Variants in OCA2 observed in about 807,000 individuals in gnomAD.
The protein encoded by OCA2 is P protein.
In OCA2, 77 loss-of-function variants were observed where a neutral mutation model predicts 100.2. That is an observed-to-expected ratio of 0.77 (90% CI 0.64 to 0.93). The LOEUF (loss-of-function observed/expected upper bound fraction) is 0.93, where lower values mean the gene tolerates loss of function less well. Ranked by LOEUF, OCA2 falls within the 40% of genes least tolerant of loss-of-function variation. The probability of loss-of-function intolerance (pLI) is 0.00; values close to 1 mark genes in which losing one functional copy is unlikely to be tolerated. For synonymous variants in OCA2, 432 were observed against 439.2 expected (o/e 0.98, Z 0.21); for missense variants, 1,062 against 1,089.1 (o/e 0.98, Z 0.35).
At chr15:27,839,237 T>C (rs1056221705) in intron 23 of OCA2, among the ~76,000 whole-genome samples, 1 of 151,812 alleles carries the variant, frequency 6.6e-6, no homozygotes, top group Middle Eastern at 3.2e-3. Flanking sequence ...AATCACTAGA[T>C]CAAAATACAA....
chr15:28,064,893 T>C (rs1038322626), intron 2 of OCA2, among the ~76,000 whole-genome samples: 1 of 151,844 alleles, frequency 6.6e-6, no homozygotes, highest in African/African-American at 2.4e-5. Flanking sequence ...AAACACTTTG[T>C]TGTTGGTGGC....
At chr15:28,025,300 A>G (rs980695664) in intron 4 of OCA2, among the ~76,000 whole-genome samples, 3 of 152,240 alleles carry the variant, frequency 2.0e-5, no homozygotes, top group African/African-American at 7.2e-5. Context: ...AGGTAGGAAT[A>G]CAGATTTGAT....
At position 27,755,318 on chromosome 15, in the gene OCA2, G is replaced by A. The variant is rs912331573; in HGVS notation, c.*70C>T. ...TTCTTCTTCAAACAGTGGGGTCAGG[G>A]TAGTTTTATGACTAATGGGTTGTGA... is the stretch of plus-strand genomic sequence containing the variant. On this transcript the variant is annotated 3_prime_UTR_variant, in exon 24 of 24. Transcript: ENST00000354638. 4 of 1,128,558 alleles carry A rather than the reference G, an allele frequency of 3.5e-6. No individual in the cohort carries two copies. The African/African-American group carries it at 6.1e-5, about 17-fold the overall frequency. 69.9% of individuals were successfully genotyped at this position (1,128,558 alleles called of 1,614,324 possible).
At chr15:27,877,272 C>T (rs56236646) in intron 19 of OCA2, among the ~76,000 whole-genome samples, 63,517 of 151,086 alleles carry the variant, frequency 0.42, 15,112 homozygotes, top group African/African-American at 0.63. Flanking sequence ...GTGAATTGAC[C>T]GTGCACGCAT....
intron 15 of OCA2, among the ~76,000 whole-genome samples, chr15:27,963,878 A>G (rs1421545857): frequency 6.6e-6 from 1 of 152,180 alleles, no homozygotes; most frequent in Non-Finnish European, 1.5e-5. Flanking sequence ...AGAAGACACA[A>G]ACTATCAAAC....
chr15:28,090,943 C>G (rs2044860451), intron 1 of OCA2, among the ~76,000 whole-genome samples: 1 of 152,108 alleles, frequency 6.6e-6, no homozygotes, highest in Non-Finnish European at 1.5e-5. Flanking sequence ...TAACAATCCT[C>G]TAGCAAGACT....
intron 18 of OCA2, among the ~76,000 whole-genome samples, chr15:27,942,268 C>T (rs1330926508): frequency 6.7e-6 from 1 of 148,710 alleles, no homozygotes; most frequent in Non-Finnish European, 1.5e-5. Context: ...ATATGATATA[C>T]ATATATAATA....
chr15:27,952,303 C>T (rs142325540), intron 17 of OCA2, among the ~76,000 whole-genome samples: 1,545 of 152,330 alleles, frequency 0.01, 28 homozygotes, highest in African/African-American at 0.035. Context: ...GTTCTTTACA[C>T]GACATGCATG....
At chr15:28,016,637 C>A (rs917797910) in intron 7 of OCA2, among the ~76,000 whole-genome samples, 2 of 151,940 alleles carry the variant, frequency 1.3e-5, no homozygotes, top group African/African-American at 4.8e-5. Flanking sequence ...TAAAAATTAG[C>A]CAGGCCTGGT....
intron 9 of OCA2, among the ~76,000 whole-genome samples, chr15:28,004,166 A>G (rs2042017213): frequency 6.6e-6 from 1 of 152,362 alleles, no homozygotes; most frequent in Middle Eastern, 3.4e-3. Flanking sequence ...TTCAACATGG[A>G]AAAGCAGCCT....
intron 19 of OCA2, among the ~76,000 whole-genome samples, chr15:27,915,456 A>C (rs1249257673): frequency 6.6e-6 from 1 of 152,222 alleles, no homozygotes; most frequent in African/African-American, 2.4e-5. Context: ...TTTGCACACT[A>C]TGTATCTGAC....
At chr15:27,907,914 GGAATTGT>G (rs2038237909) in intron 19 of OCA2, among the ~76,000 whole-genome samples, 1 of 152,058 alleles carries the variant, frequency 6.6e-6, no homozygotes, top group East Asian at 1.9e-4. Context: ...GTCTCACAGG[GGAATTGT>G]ATCAAGCCCT....
At chr15:28,035,026 G>A (rs2043009278) in intron 2 of OCA2, among the ~76,000 whole-genome samples, 1 of 152,074 alleles carries the variant, frequency 6.6e-6, no homozygotes, top group Non-Finnish European at 1.5e-5. Flanking sequence ...ATGACCCATG[G>A]GGTCTCAAAA....
chr15:28,016,909 G>C (rs1224910530), intron 7 of OCA2, among the ~76,000 whole-genome samples: 1 of 152,040 alleles, frequency 6.6e-6, no homozygotes, highest in Non-Finnish European at 1.5e-5. Context: ...TTGCAACCTG[G>C]AGGCAACAAA....
chr15:27,915,111 A>T (rs1456421725), intron 19 of OCA2, among the ~76,000 whole-genome samples: 1 of 152,188 alleles, frequency 6.6e-6, no homozygotes. Context: ...CAATGGGGAA[A>T]GGACTCCCCG....
chr15:27,735,823 G>A, the OCA2 span, among the ~76,000 whole-genome samples: 7 of 152,336 alleles, frequency 4.6e-5, no homozygotes, highest in Admixed American at 3.3e-4. Context: ...GAGGTGAGGT[G>A]AGATACTTTC....
chr15:27,857,491 T>G (rs1028923665), intron 21 of OCA2, among the ~76,000 whole-genome samples: 1 of 152,128 alleles, frequency 6.6e-6, no homozygotes, highest in Non-Finnish European at 1.5e-5. Flanking sequence ...GTGGTGATAG[T>G]TGTACAATAA....
intron 2 of OCA2, among the ~76,000 whole-genome samples, chr15:28,078,496 T>C (rs2044507390): frequency 6.6e-6 from 1 of 152,222 alleles, no homozygotes; most frequent in Admixed American, 6.5e-5. Context: ...CCTGCCCAGA[T>C]GGAGTGGGCC....
chr15:28,016,171 T>C lies in OCA2; in HGVS notation c.823A>G (p.Thr275Ala). 2 of 1,614,122 alleles carry C rather than the reference T, an allele frequency of 1.2e-6. No homozygotes were observed. Among genetic ancestry groups the C allele is most frequent in the South Asian group, 1.1e-5 (1 of 91,086 alleles). ...RRPQQVTHNW[T>A]VYLNPRRSEH... ...CTTCTCCTCGGATTTAAATACACCG[T>C]CCAGTTGTGAGTGACCTGTACAAGC... The change falls in exon 8 of 24, where the codon ACG becomes GCG. Residue 275 changes from threonine to alanine, a missense_variant. Transcript: ENST00000354638.
Sources: gnomAD v4.1 joint callset for allele counts (sites outside exome capture counted in the v4.1 genomes callset) on GRCh38, gnomAD v4.1.1 for gene constraint, MANE v1.5 for transcripts, NCBI Gene and HGNC (gene_info 2026-07-23, HGNC 2026-07-21) for gene names.